Variants in ALK observed in about 807,000 individuals in gnomAD.
ALK encodes the protein ALK tyrosine kinase receptor.
In ALK, 74 loss-of-function variants were observed where a neutral mutation model predicts 163.1. The ratio of observed to expected loss-of-function variants is 0.45; its 90% CI spans 0.38 to 0.55. The LOEUF (loss-of-function observed/expected upper bound fraction) is 0.55. Ranked by LOEUF, ALK falls within the 20% of genes least tolerant of loss-of-function variation. The probability of loss-of-function intolerance (pLI) is 0.00; values close to 1 mark genes in which losing one functional copy is unlikely to be tolerated. For synonymous variants in ALK, 960 were observed against 843.2 expected, an observed-to-expected ratio of 1.14 and a Z score of -2.40; for missense variants, 2,063 against 2,105.3, an observed-to-expected ratio of 0.98 and a Z score of 0.39.
intron 1 of ALK, among the ~76,000 whole-genome samples, chr2:29,855,563 C>T (rs980556494): frequency 6.6e-6 from 1 of 152,036 alleles, no homozygotes; most frequent in African/African-American, 2.4e-5. Flanking sequence ...AGGATTATAC[C>T]CTTGAACTTT....
chr2:29,833,130 T>A lies in ALK; in HGVS notation c.667+86863A>T, dbSNP rs369105686. The stretch of plus-strand genomic sequence containing the variant: ...ACAAGACCTCCGGACTCCGGCCACA[T>A]AGAGCCCTCATGCCTGGAAGGAAAG... On this transcript the variant is annotated intron_variant, in intron 1 of 28. Coordinates refer to ENST00000389048, the MANE Select transcript of ALK (RefSeq NM_004304.5). 6.6e-5 allele frequency among the ~76,000 whole-genome samples: 10 copies of A among 152,188 alleles called. No individual in the cohort carries two copies. In the East Asian group the frequency reaches 7.7e-4, roughly 12 times the overall value.
rs144859879 is a variant in ALK at position 29,362,921 on chromosome 2, C to T, written c.1282+20811G>A. Among the ~76,000 whole-genome samples the T allele has an allele frequency of 5.1e-3, 770 of 152,212 alleles. 11 individuals carry two copies. Among genetic ancestry groups the T allele is most frequent in the African/African-American group, 0.018 (740 of 41,534 alleles). On this transcript the variant is annotated intron_variant, in intron 5 of 28. Transcript: ENST00000389048. ...ATATAATTTCTCTTCCATTGGTTCC[C>T]ATTTACATGGGTTGCTACAACAGTA... is the stretch of plus-strand genomic sequence containing the variant.
intron 4 of ALK, among the ~76,000 whole-genome samples, chr2:29,527,651 G>C (rs946307763): frequency 9.2e-5 from 14 of 152,088 alleles, no homozygotes; most frequent in Non-Finnish European, 2.9e-5. Flanking sequence ...GGGATTACAG[G>C]CATGTACCAC....
At chr2:29,603,824 T>C (rs1675444591) in intron 3 of ALK, among the ~76,000 whole-genome samples, 1 of 152,132 alleles carries the variant, frequency 6.6e-6, no homozygotes, top group African/African-American at 2.4e-5. Flanking sequence ...CCCCTATGCC[T>C]GGGATACTTC....
chr2:29,585,407 A>G (rs542995008), intron 3 of ALK, among the ~76,000 whole-genome samples: 2 of 152,102 alleles, frequency 1.3e-5, no homozygotes, highest in East Asian at 1.9e-4. Context: ...GCTCACCACA[A>G]CCTCCACCTC....
chr2:29,671,557 G>T (rs902794952), intron 3 of ALK, among the ~76,000 whole-genome samples: 14 of 152,062 alleles, frequency 9.2e-5, no homozygotes, highest in Non-Finnish European at 1.5e-4. Flanking sequence ...AGGTGGAGAA[G>T]CTGGTTGACC....
At chr2:29,678,397 T>G (rs1677956865) in intron 3 of ALK, among the ~76,000 whole-genome samples, 1 of 151,778 alleles carries the variant, frequency 6.6e-6, no homozygotes, top group South Asian at 2.1e-4. Flanking sequence ...GGTTATAGAT[T>G]TGAGACTTTA....
intron 4 of ALK, among the ~76,000 whole-genome samples, chr2:29,412,063 T>C (rs889869129): frequency 6.6e-6 from 1 of 152,196 alleles, no homozygotes; most frequent in African/African-American, 2.4e-5. Flanking sequence ...AGGTAGTAGA[T>C]ACAAATGTTA....
intron 3 of ALK, among the ~76,000 whole-genome samples, chr2:29,672,054 C>CTT (rs34783503): frequency 0.068 from 9,696 of 142,360 alleles, 973 homozygotes; most frequent in African/African-American, 0.22. Flanking sequence ...AGGACATTTT[C>CTT]TTTTTTTTTT....
chr2:29,644,141 C>T (rs1212084446), intron 3 of ALK, among the ~76,000 whole-genome samples: 12 of 151,120 alleles, frequency 7.9e-5, no homozygotes, highest in African/African-American at 2.2e-4. Flanking sequence ...AGCAAACTAT[C>T]GCAAGGACAA....
chr2:29,477,798 G>T (rs4666225), intron 4 of ALK, among the ~76,000 whole-genome samples: 1 of 151,914 alleles, frequency 6.6e-6, no homozygotes, highest in Admixed American at 6.6e-5. Flanking sequence ...AAAGACTTAG[G>T]GGAAATTGCT....
At position 29,531,967 on chromosome 2, in the gene ALK, G is replaced by T; in HGVS notation, c.1102C>A (p.His368Asn). Residue 368 changes from histidine (H) to asparagine (N), a missense_variant, in exon 4 of 29, where the codon CAC (histidine) becomes AAC (asparagine). Physicochemically the swap from His to Asn is moderately conservative, Grantham distance 68 (BLOSUM62 1). Around this residue, in one of 5 missense-constraint regions of ALK, gnomAD observed 987 missense variants for 939.5 expected, o/e 1.05. Coordinates refer to ENST00000389048, the MANE Select transcript of ALK (RefSeq NM_004304.5). ...SGRYIAQLLP[H>N]NEAAREILLM... is the part of the protein sequence containing the mutation. ...AGGATCTCTCTTGCAGCCTCGTTGT[G>T]GGGCAGCAGCTGGGCAATGTACCTT... 6.2e-7 allele frequency: 1 copy of T among 1,614,160 alleles called. No individual in the cohort carries two copies. The highest frequency in any genetic ancestry group is 8.5e-7 in the Non-Finnish European group (1 of 1,180,018).
chr2:29,437,755 C>T (rs1670438284), intron 4 of ALK, among the ~76,000 whole-genome samples: 1 of 152,198 alleles, frequency 6.6e-6, no homozygotes, highest in African/African-American at 2.4e-5. Context: ...TTCTAACACC[C>T]TCTTACTGAG....
At chr2:29,564,442 C>G (rs900287325) in intron 3 of ALK, among the ~76,000 whole-genome samples, 13 of 99,210 alleles carry the variant, frequency 1.3e-4, no homozygotes, top group African/African-American at 5.5e-4. Flanking sequence ...CCTACCACCA[C>G]CCCCACCGCC....
chr2:29,546,197 T>C (rs1673549326), intron 3 of ALK, among the ~76,000 whole-genome samples: 1 of 152,198 alleles, frequency 6.6e-6, no homozygotes, highest in South Asian at 2.1e-4. Context: ...CACCTCATTT[T>C]TAGGTGAGAC....
intron 4 of ALK, among the ~76,000 whole-genome samples, chr2:29,433,649 A>G (rs1670331311): frequency 6.6e-6 from 1 of 152,186 alleles, no homozygotes; most frequent in Non-Finnish European, 1.5e-5. Context: ...GTAACAGGTA[A>G]GCATGGCTGT....
intron 3 of ALK, among the ~76,000 whole-genome samples, chr2:29,543,335 A>G (rs1673464725): frequency 6.6e-6 from 1 of 152,168 alleles, no homozygotes; most frequent in South Asian, 2.1e-4. Flanking sequence ...AACAGGAGAG[A>G]CTAGGGAGGC....
chr2:29,579,824 C>T (rs964916982), intron 3 of ALK, among the ~76,000 whole-genome samples: 4 of 152,108 alleles, frequency 2.6e-5, no homozygotes, highest in Non-Finnish European at 4.4e-5. Flanking sequence ...CCAAAGAGGG[C>T]GTAATTCTAG....
chr2:29,545,400 T>A (rs1432728399), intron 3 of ALK, among the ~76,000 whole-genome samples: 1 of 152,330 alleles, frequency 6.6e-6, no homozygotes, highest in East Asian at 1.9e-4. Context: ...ATGTTTTAGT[T>A]GTTAGAGCAG....
Sources: gnomAD v4.1 joint callset for allele counts (sites outside exome capture counted in the v4.1 genomes callset) on GRCh38, gnomAD v4.1.1 for gene constraint, gnomAD v4.1.1 regional missense constraint, MANE v1.5 for transcripts, NCBI Gene and HGNC (gene_info 2026-07-23, HGNC 2026-07-21) for gene names.